Variants in GPR39 observed in about 807,000 individuals in gnomAD.
GPR39 encodes the protein G protein-coupled receptor 39.
GPR39 carries 23 observed loss-of-function variants against 18.4 expected under a neutral mutation model. The ratio of observed to expected loss-of-function variants is 1.25; its 90% CI spans 0.90 to 1.77. GPR39 has a LOEUF of 1.77. GPR39 is among the 40% of genes most tolerant of loss of function. GPR39 has a pLI of 0.00. For synonymous variants in GPR39, 280 were observed against 257.9 expected, an observed-to-expected ratio of 1.09 and a Z score of -0.82; for missense variants, 647 against 602.4, an observed-to-expected ratio of 1.07 and a Z score of -0.78.
chr2:132,568,106 A>G (rs1680383302), intron 1 of GPR39, among the ~76,000 whole-genome samples: 1 of 152,132 alleles, frequency 6.6e-6, no homozygotes, highest in Non-Finnish European at 1.5e-5. Context: ...TAAAATGTGC[A>G]GCCAAGACTG....
chr2:132,601,673 G>A (rs949057688), intron 1 of GPR39, among the ~76,000 whole-genome samples: 1 of 152,034 alleles, frequency 6.6e-6, no homozygotes, highest in Admixed American at 6.6e-5. Flanking sequence ...ATATAGGAAA[G>A]CCTAAAGACT....
chr2:132,502,517 G>C (rs1019643613), intron 1 of GPR39, among the ~76,000 whole-genome samples: 7 of 152,054 alleles, frequency 4.6e-5, no homozygotes, highest in Admixed American at 1.3e-4. Flanking sequence ...TTCTTGTCTT[G>C]ACTTTAGATA....
chr2:132,546,435 G>A (rs561347845), intron 1 of GPR39, among the ~76,000 whole-genome samples: 1 of 152,184 alleles, frequency 6.6e-6, no homozygotes, highest in African/African-American at 2.4e-5. Context: ...TGTGGGCAAG[G>A]TTGCTGGAAG....
chr2:132,640,362 G>T (rs1223821079), intron 1 of GPR39, among the ~76,000 whole-genome samples: 1 of 152,204 alleles, frequency 6.6e-6, no homozygotes, highest in Non-Finnish European at 1.5e-5. Context: ...GAATGAATCT[G>T]TGTCATCATC....
At chr2:132,547,657 T>C (rs1424610399) in intron 1 of GPR39, among the ~76,000 whole-genome samples, 2 of 152,208 alleles carry the variant, frequency 1.3e-5, no homozygotes, top group Non-Finnish European at 2.9e-5. Flanking sequence ...TGTAATGCAA[T>C]CTATCTCCCT....
chr2:132,492,774 A>G (rs1007151498), intron 1 of GPR39, among the ~76,000 whole-genome samples: 6 of 19,562 alleles, frequency 3.1e-4, no homozygotes, highest in Non-Finnish European at 1.4e-3. Context: ...TACATTCCAT[A>G]TATATACCAT....
intron 1 of GPR39, among the ~76,000 whole-genome samples, chr2:132,482,203 T>G (rs192689412): frequency 3.3e-5 from 5 of 152,340 alleles, no homozygotes; most frequent in Admixed American, 3.3e-4. Flanking sequence ...TTGACTTGTT[T>G]CTTTTTCTCT....
At chr2:132,441,644 T>C (rs1680442147) in intron 1 of GPR39, among the ~76,000 whole-genome samples, 1 of 152,184 alleles carries the variant, frequency 6.6e-6, no homozygotes, top group South Asian at 2.1e-4. Context: ...TCCCCTTCTC[T>C]ATCACACCGA....
At chr2:132,507,084 G>A (rs550637091) in intron 1 of GPR39, among the ~76,000 whole-genome samples, 82 of 152,138 alleles carry the variant, frequency 5.4e-4, no homozygotes, top group South Asian at 2.9e-3. Context: ...GGGCAGAGCC[G>A]TTATGATCCA....
intron 1 of GPR39, among the ~76,000 whole-genome samples, chr2:132,546,691 C>T (rs570443366): frequency 6.6e-6 from 1 of 151,716 alleles, no homozygotes; most frequent in African/African-American, 2.4e-5. Flanking sequence ...AAATAGAAAA[C>T]TCGGTCCAGC....
intron 1 of GPR39, among the ~76,000 whole-genome samples, chr2:132,425,891 T>G (rs934275038): frequency 2.0e-5 from 3 of 152,130 alleles, no homozygotes; most frequent in African/African-American, 7.2e-5. Context: ...CCCCCAGAAC[T>G]TCTAGAAAAG....
At chr2:132,586,290 T>C (rs1451209143) in intron 1 of GPR39, among the ~76,000 whole-genome samples, 2 of 152,092 alleles carry the variant, frequency 1.3e-5, no homozygotes, top group Non-Finnish European at 2.9e-5. Context: ...CTGTCGGTGA[T>C]TCTGAAGGCA....
intron 1 of GPR39, among the ~76,000 whole-genome samples, chr2:132,434,802 A>T (rs1680283219): frequency 6.6e-6 from 1 of 152,192 alleles, no homozygotes; most frequent in Non-Finnish European, 1.5e-5. Flanking sequence ...GCCGATTCAG[A>T]AAATTATAAA....
Position 132,567,215 on chromosome 2 carries a change from A to G in GPR39, c.857-77886A>G, listed in dbSNP as rs1264745795. Among the ~76,000 whole-genome samples the G allele has an allele frequency of 2.0e-5, 3 of 152,142 alleles. 1 individual carries two copies. Among genetic ancestry groups the G allele is most frequent in the Non-Finnish European group, 4.4e-5 (3 of 68,024 alleles). The stretch of plus-strand genomic sequence containing the variant: ...CACATGCCTGTAATCTCAGCTACTC[A>G]GGAGGCTGAGGCAGGAGAATCGCTT... On this transcript the variant is annotated intron_variant, in intron 1 of 1. Transcript: ENST00000329321.
chr2:132,481,219 G>A (rs1249827972), intron 1 of GPR39, among the ~76,000 whole-genome samples: 2 of 152,208 alleles, frequency 1.3e-5, no homozygotes, highest in African/African-American at 4.8e-5. Flanking sequence ...GGGACCAGAG[G>A]TTTACAAATG....
intron 1 of GPR39, among the ~76,000 whole-genome samples, chr2:132,630,083 A>G (rs1471651423): frequency 6.6e-6 from 1 of 152,238 alleles, no homozygotes; most frequent in Non-Finnish European, 1.5e-5. Context: ...TGAACCAGAC[A>G]CTATGCCAAG....
At chr2:132,539,001 G>T (rs1242314607) in intron 1 of GPR39, among the ~76,000 whole-genome samples, 1 of 152,186 alleles carries the variant, frequency 6.6e-6, no homozygotes, top group Non-Finnish European at 1.5e-5. Context: ...ACTGGGCTCT[G>T]TGGGAGTGGG....
chr2:132,469,670 C>A (rs1486272270), intron 1 of GPR39, among the ~76,000 whole-genome samples: 4 of 152,160 alleles, frequency 2.6e-5, no homozygotes, highest in Non-Finnish European at 5.9e-5. Context: ...ACAGTGCAAT[C>A]AGCAGCCTTC....
intron 1 of GPR39, among the ~76,000 whole-genome samples, chr2:132,460,871 C>T (rs944279566): frequency 5.3e-5 from 8 of 152,106 alleles, no homozygotes; most frequent in Middle Eastern, 3.2e-3. Context: ...GGGGCTTGCT[C>T]GGGGTTGGGC....
Sources: gnomAD v4.1 joint callset for allele counts (sites outside exome capture counted in the v4.1 genomes callset) on GRCh38, gnomAD v4.1.1 for gene constraint, MANE v1.5 for transcripts, NCBI Gene and HGNC (gene_info 2026-07-23, HGNC 2026-07-21) for gene names.